Variants in MTUS2 observed in about 807,000 individuals in gnomAD.
The protein encoded by MTUS2 is microtubule-associated tumor suppressor candidate 2.
Under a neutral mutation model 114.1 loss-of-function variants are expected in MTUS2, and 40 were observed. The ratio of observed to expected loss-of-function variants is 0.35; its 90% CI spans 0.27 to 0.46. The LOEUF (loss-of-function observed/expected upper bound fraction) is 0.46. Ranked by LOEUF, MTUS2 falls within the 20% of genes least tolerant of loss-of-function variation. MTUS2 has a pLI of 1.00. For synonymous variants in MTUS2, 688 were observed against 672.0 expected (o/e 1.02, Z -0.37); for missense variants, 1,679 against 1,705.4 (o/e 0.98, Z 0.27).
At chr13:29,286,248 A>G (rs1593262516) in intron 6 of MTUS2, among the ~76,000 whole-genome samples, 1 of 152,174 alleles carries the variant, frequency 6.6e-6, no homozygotes, top group South Asian at 2.1e-4. Flanking sequence ...TTTGAGTTTG[A>G]TGTATTTGTG....
At chr13:29,406,486 T>G (rs1874764167) in intron 8 of MTUS2, among the ~76,000 whole-genome samples, 2 of 152,148 alleles carry the variant, frequency 1.3e-5, no homozygotes, top group African/African-American at 4.8e-5. Context: ...TCCCTAGGGC[T>G]TCCCTCACCC....
intron 2 of MTUS2, among the ~76,000 whole-genome samples, chr13:28,858,760 C>T (rs538914658): frequency 7.2e-5 from 11 of 152,146 alleles, no homozygotes; most frequent in East Asian, 3.9e-4. Flanking sequence ...GTATGTTTGT[C>T]GGGGAGCTTC....
intron 5 of MTUS2, among the ~76,000 whole-genome samples, chr13:29,228,540 A>T (rs1401650261): frequency 6.6e-6 from 1 of 152,100 alleles, no homozygotes; most frequent in Admixed American, 6.5e-5. Flanking sequence ...GGCTGGTCCC[A>T]AACTCCTGGG....
chr13:29,009,090 T>C (rs1270504741), intron 2 of MTUS2, among the ~76,000 whole-genome samples: 1 of 152,046 alleles, frequency 6.6e-6, no homozygotes, highest in Non-Finnish European at 1.5e-5. Flanking sequence ...GATTTTTACA[T>C]TTTAATTGTC....
intron 8 of MTUS2, among the ~76,000 whole-genome samples, chr13:29,371,086 A>T (rs1168717525): frequency 6.6e-6 from 1 of 152,180 alleles, no homozygotes; most frequent in Non-Finnish European, 1.5e-5. Flanking sequence ...TGTTTCTTCA[A>T]CCTCAAAAAT....
intron 9 of MTUS2, among the ~76,000 whole-genome samples, chr13:29,445,732 A>G (rs1878228675): frequency 6.6e-6 from 1 of 150,782 alleles, no homozygotes; most frequent in Admixed American, 6.6e-5. Context: ...GGCGAACCCC[A>G]TCTCTACTAA....
At chr13:29,418,033 G>T (rs1875800562) in intron 8 of MTUS2, among the ~76,000 whole-genome samples, 1 of 151,948 alleles carries the variant, frequency 6.6e-6, no homozygotes, top group Non-Finnish European at 1.5e-5. Context: ...CTTTTGTCTT[G>T]CCTACATTTC....
At chr13:29,282,717 T>C (rs1268639500) in intron 6 of MTUS2, among the ~76,000 whole-genome samples, 1 of 152,230 alleles carries the variant, frequency 6.6e-6, no homozygotes, top group Non-Finnish European at 1.5e-5. Context: ...CCATATTTTT[T>C]CTATGCTTGT....
At chr13:28,932,191 G>T (rs1881655858) in intron 2 of MTUS2, among the ~76,000 whole-genome samples, 1 of 152,218 alleles carries the variant, frequency 6.6e-6, no homozygotes, top group Admixed American at 6.5e-5. Flanking sequence ...AGGCAGCACA[G>T]AGAGTGGAAA....
intron 5 of MTUS2, among the ~76,000 whole-genome samples, chr13:29,102,891 A>G (rs1280186078): frequency 2.0e-5 from 3 of 152,200 alleles, no homozygotes; most frequent in Admixed American, 6.5e-5. Flanking sequence ...CCTTAGATCA[A>G]CTTCTCATAT....
At chr13:29,345,055 A>T (rs1430288572) in intron 7 of MTUS2, among the ~76,000 whole-genome samples, 1 of 152,094 alleles carries the variant, frequency 6.6e-6, no homozygotes, top group Non-Finnish European at 1.5e-5. Context: ...TTCCTTTATA[A>T]ATTACTTGAT....
At chr13:28,903,874 A>T (rs1205065357) in intron 2 of MTUS2, among the ~76,000 whole-genome samples, 1 of 152,030 alleles carries the variant, frequency 6.6e-6, no homozygotes, top group African/African-American at 2.4e-5. Context: ...TTACAGTCCC[A>T]CCAACAGTGT....
At position 29,026,800 on chromosome 13, in the gene MTUS2, C is replaced by T. The variant is rs1377971506; in HGVS notation, c.2102C>T (p.Pro701Leu). The change falls in exon 3 of 16, where the codon CCA becomes CTA. Residue 701 changes from proline (P) to leucine (L), a missense_variant. Physicochemically the swap from Pro to Leu is moderately conservative, Grantham distance 98. This residue lies in a region of MTUS2 where 822 missense variants were observed against 899.7 expected (regional missense o/e 0.91). Transcript: ENST00000612955. ...PSANLYEKFK[P>L]DLQKPRVFSS... Reference sequence around the variant, plus strand: ...GCCAACCTCTATGAGAAATTCAAGCCAGACCTGCAGAAGCCAAGGGTCTTC... The same window carrying T: ...GCCAACCTCTATGAGAAATTCAAGCTAGACCTGCAGAAGCCAAGGGTCTTC... 1 of 1,613,106 alleles carries T rather than the reference C, an allele frequency of 6.2e-7. No homozygotes were observed. The highest frequency in any genetic ancestry group is 8.5e-7 in the Non-Finnish European group (1 of 1,179,874).
At chr13:29,332,671 G>T (rs1322953548) in intron 7 of MTUS2, among the ~76,000 whole-genome samples, 2 of 138,846 alleles carry the variant, frequency 1.4e-5, no homozygotes, top group African/African-American at 5.2e-5. Context: ...GTCTCGCTCA[G>T]TCGCCCAGGC....
intron 2 of MTUS2, among the ~76,000 whole-genome samples, chr13:29,021,004 T>C (rs1437476739): frequency 2.0e-5 from 3 of 152,258 alleles, no homozygotes; most frequent in Non-Finnish European, 4.4e-5. Flanking sequence ...CTGTGACTCA[T>C]GCCTGTAATA....
At chr13:29,093,143 A>G (rs1414246170) in intron 4 of MTUS2, among the ~76,000 whole-genome samples, 1 of 152,162 alleles carries the variant, frequency 6.6e-6, no homozygotes, top group Non-Finnish European at 1.5e-5. Context: ...AAACAAACAA[A>G]CAAAAAACTA....
intron 8 of MTUS2, among the ~76,000 whole-genome samples, chr13:29,391,524 T>C (rs75334672): frequency 0.039 from 5,885 of 149,140 alleles, 402 homozygotes; most frequent in African/African-American, 0.14. Flanking sequence ...GGTCTGATTC[T>C]TTATTCCACA....
intron 8 of MTUS2, among the ~76,000 whole-genome samples, chr13:29,436,661 G>A (rs1041991690): frequency 2.0e-5 from 3 of 152,110 alleles, no homozygotes; most frequent in African/African-American, 7.2e-5. Context: ...ACTTGCAAAA[G>A]GGTGGATGGG....
chr13:29,456,973 T>TG (rs1374341554), intron 9 of MTUS2, among the ~76,000 whole-genome samples: 5 of 149,736 alleles, frequency 3.3e-5, no homozygotes, highest in Non-Finnish European at 5.9e-5. Context: ...CCGTCTCTAC[T>TG]AAAAATATAT....
Sources: gnomAD v4.1 joint callset for allele counts (sites outside exome capture counted in the v4.1 genomes callset) on GRCh38, gnomAD v4.1.1 for gene constraint, gnomAD v4.1.1 regional missense constraint, MANE v1.5 for transcripts, NCBI Gene and HGNC (gene_info 2026-07-23, HGNC 2026-07-21) for gene names.